The following CFAP161 variants were observed in gnomAD, a reference collection of about 807,000 sequenced individuals.
CFAP161 encodes the protein cilia and flagella associated protein 161.
In CFAP161, 25 loss-of-function variants were observed where a neutral mutation model predicts 29.0. The ratio of observed to expected loss-of-function variants is 0.86; its 90% CI spans 0.63 to 1.20. The LOEUF (loss-of-function observed/expected upper bound fraction) is 1.20. Among genes scored for constraint, CFAP161 ranks in the 50% most tolerant of loss-of-function variants. CFAP161 has a pLI of 0.00. For synonymous variants in CFAP161, 116 were observed against 137.4 expected (o/e 0.84, Z 1.09); for missense variants, 367 against 371.9 (o/e 0.99, Z 0.11).
rs1365068244 is a variant in CFAP161, at chr15:81,136,645, G to C, written c.289G>C (p.Asp97His). ...GGACCTGAGCCTGTGTATGACTCCA[G>C]ATGAAATTCAGTCCCATCTGAAAGA... is the stretch of plus-strand genomic sequence containing the variant. ...RGDLSLCMTP[D>H]EIQSHLKDEL... The change falls in exon 3 of 7, where the codon GAT becomes CAT. Residue 97 changes from aspartate to histidine, a missense_variant. By Grantham distance (81) the Asp-to-His change is moderately conservative (BLOSUM62 -1). Transcript: ENST00000286732. 1.9e-6 allele frequency: 3 copies of C among 1,614,190 alleles called. No homozygotes were observed. The highest frequency in any genetic ancestry group is 2.5e-6 in the Non-Finnish European group (3 of 1,180,034).
At chr15:81,131,305 C>A (rs577012080), upstream of CFAP161, among the ~76,000 whole-genome samples, 1 of 151,934 alleles carries the variant, frequency 6.6e-6, no homozygotes, top group South Asian at 2.1e-4. Context: ...AAAAAACAAA[C>A]AAACAAAAAA....
intron 1 of CFAP161, among the ~76,000 whole-genome samples, chr15:81,110,607 C>T (rs533146893): frequency 6.6e-5 from 10 of 152,216 alleles, no homozygotes; most frequent in South Asian, 2.1e-4. Context: ...CCCATACCCA[C>T]CAGAGTGTTA....
chr15:81,133,202 TATATATATATATATATATA>T (rs1349657401), upstream of CFAP161, among the ~76,000 whole-genome samples: 351 of 67,252 alleles, frequency 5.2e-3, 9 homozygotes, highest in African/African-American at 0.016. Flanking sequence ...TATATATATA[TATATATATATATATATATA>T]TATGTATTTT....
At chr15:81,101,658 C>T (rs1001756945) in intron 1 of CFAP161, among the ~76,000 whole-genome samples, 2 of 151,452 alleles carry the variant, frequency 1.3e-5, no homozygotes, top group Non-Finnish European at 2.9e-5. Context: ...AGCTCTTTGC[C>T]GACCAGCATG....
Position 81,107,729 on chromosome 15 carries a change from TAAATA to T in CFAP161, c.-141-19843_-141-19839del, listed in dbSNP as rs558554006. On this transcript the variant is annotated intron_variant, in intron 1 of 4. Coordinates refer to the CFAP161 transcript ENST00000560091. ...AACAAGAGTGAAACTCAGTCTCAAA[TAAATA>T]AAATAAAATAAAATAAATAAACAGA... is the stretch of plus-strand genomic sequence containing the variant. 3.9e-3 allele frequency among the ~76,000 whole-genome samples: 600 copies of T among 152,078 alleles called. 4 individuals are homozygous for T. The highest frequency in any genetic ancestry group is 6.1e-3 in the Non-Finnish European group (418 of 67,982).
At chr15:81,122,810 A>G (rs927135557) in intron 1 of CFAP161, among the ~76,000 whole-genome samples, 9 of 151,838 alleles carry the variant, frequency 5.9e-5, no homozygotes, top group African/African-American at 1.9e-4. Context: ...TTTTTTTCAT[A>G]TGATTGTTGG....
At chr15:81,135,123 A>T in intron 1 of CFAP161, 147 bp from the exon 2 acceptor site, 2 of 505,808 alleles carry the variant, frequency 4.0e-6, no homozygotes, top group Non-Finnish European at 7.1e-6. Context: ...AAGTAGTGCT[A>T]AAAACGTTCC....
chr15:81,110,804 C>G (rs1320423286), intron 1 of CFAP161, among the ~76,000 whole-genome samples: 1 of 152,202 alleles, frequency 6.6e-6, no homozygotes, highest in Non-Finnish European at 1.5e-5. Context: ...ACCTTAGGCT[C>G]ATAGTCCTGT....
chr15:81,111,684 G>A (rs1894442190), intron 1 of CFAP161, among the ~76,000 whole-genome samples: 1 of 152,138 alleles, frequency 6.6e-6, no homozygotes, highest in African/African-American at 2.4e-5. Flanking sequence ...ATCACCCTGT[G>A]TCCCTCCTGG....
At chr15:81,121,291 T>C (rs544130602) in intron 1 of CFAP161, among the ~76,000 whole-genome samples, 2 of 152,258 alleles carry the variant, frequency 1.3e-5, no homozygotes, top group Admixed American at 6.5e-5. Context: ...TCAAAATTAT[T>C]CTCTTTTCTT....
At chr15:81,113,951 T>C (rs988853982) in intron 1 of CFAP161, among the ~76,000 whole-genome samples, 3 of 152,214 alleles carry the variant, frequency 2.0e-5, no homozygotes, top group African/African-American at 7.2e-5. Flanking sequence ...AAGGAGCTTA[T>C]TATGAATAAC....
At chr15:81,102,496 C>T (rs1894314832) in intron 1 of CFAP161, among the ~76,000 whole-genome samples, 1 of 151,834 alleles carries the variant, frequency 6.6e-6, no homozygotes, top group African/African-American at 2.4e-5. Flanking sequence ...AGCAAGACTT[C>T]TGTCTCTACA....
intron 5 of CFAP161, among the ~76,000 whole-genome samples, chr15:81,146,725 A>AAAATG (rs1895011745): frequency 6.6e-6 from 1 of 150,926 alleles, no homozygotes; most frequent in Non-Finnish European, 1.5e-5. Context: ...TTGTGAAAGG[A>AAAATG]AAATGAATCT....
At chr15:81,133,200 TATATATATATATATATATATATA>T (rs1567156298), upstream of CFAP161, among the ~76,000 whole-genome samples, 5 of 76,472 alleles carry the variant, frequency 6.5e-5, no homozygotes, top group African/African-American at 1.5e-4. Flanking sequence ...TATATATATA[TATATATATATATATATATATATA>T]TGTATTTTTT....
chr15:81,115,186 T>C (rs1894482294), intron 1 of CFAP161, among the ~76,000 whole-genome samples: 1 of 152,212 alleles, frequency 6.6e-6, no homozygotes, highest in Non-Finnish European at 1.5e-5. Flanking sequence ...TTCATGGCCT[T>C]CTCTGGCTCT....
At chr15:81,115,844 A>G (rs1894490499) in intron 1 of CFAP161, among the ~76,000 whole-genome samples, 1 of 144,810 alleles carries the variant, frequency 6.9e-6, no homozygotes, top group Non-Finnish European at 1.5e-5. Flanking sequence ...GTGCCTAGCT[A>G]ATTAATTTTT....
At chr15:81,121,007 C>T (rs980419675) in intron 1 of CFAP161, among the ~76,000 whole-genome samples, 6 of 152,174 alleles carry the variant, frequency 3.9e-5, no homozygotes, top group South Asian at 2.1e-4. Flanking sequence ...CTTGTTTTTA[C>T]ATGGAGAACC....
At chr15:81,119,476 T>C (rs1894542790) in intron 1 of CFAP161, among the ~76,000 whole-genome samples, 1 of 152,092 alleles carries the variant, frequency 6.6e-6, no homozygotes, top group Non-Finnish European at 1.5e-5. Flanking sequence ...TTTTAATAAA[T>C]TAACAGATTT....
upstream of CFAP161, among the ~76,000 whole-genome samples, chr15:81,133,209 ATATATATATATATATG>A (rs1177761951): frequency 0.011 from 462 of 41,840 alleles, 31 homozygotes; most frequent in Middle Eastern, 0.03. Context: ...ATATATATAT[ATATATATATATATATG>A]TATTTTTTTT....
Sources: gnomAD v4.1 joint callset for allele counts (sites outside exome capture counted in the v4.1 genomes callset) on GRCh38, gnomAD v4.1.1 for gene constraint, MANE v1.5 for transcripts, NCBI Gene and HGNC (gene_info 2026-07-23, HGNC 2026-07-21) for gene names.